Variants in GRIK2 observed in about 807,000 individuals in gnomAD.
GRIK2 encodes glutamate ionotropic receptor kainate type subunit 2, also known as glutamate receptor ionotropic, kainate 2.
Under a neutral mutation model 100.3 loss-of-function variants are expected in GRIK2, and 32 were observed. The ratio of observed to expected loss-of-function variants is 0.32; its 90% confidence interval spans 0.24 to 0.43. GRIK2 has a LOEUF of 0.43. Ranked by LOEUF, GRIK2 falls within the 20% of genes least tolerant of loss-of-function variation. The probability of loss-of-function intolerance (pLI) is 1.00; values close to 1 mark genes in which losing one functional copy is unlikely to be tolerated. For synonymous variants in GRIK2, 417 were observed against 389.4 expected (o/e 1.07, Z -0.83); for missense variants, 843 against 1,114.9 (o/e 0.76, Z 3.47).
chr6:101,412,955 A>C (rs998979463), intron 2 of GRIK2, among the ~76,000 whole-genome samples: 2 of 152,012 alleles, frequency 1.3e-5, no homozygotes, highest in Non-Finnish European at 2.9e-5. Flanking sequence ...CGATAGCCAC[A>C]AGTAAATGTT....
At chr6:101,763,698 C>G (rs530862982) in intron 7 of GRIK2, among the ~76,000 whole-genome samples, 3 of 152,240 alleles carry the variant, frequency 2.0e-5, no homozygotes, top group African/African-American at 7.2e-5. Context: ...CCTGTTAATT[C>G]ATCTAAACTT....
At chr6:101,406,124 G>C (rs1412619624) in intron 2 of GRIK2, among the ~76,000 whole-genome samples, 1 of 152,040 alleles carries the variant, frequency 6.6e-6, no homozygotes, top group Non-Finnish European at 1.5e-5. Context: ...TTATATTCTT[G>C]TATTTTCAAA....
intron 8 of GRIK2, among the ~76,000 whole-genome samples, chr6:101,801,457 A>G (rs1451447255): frequency 6.6e-6 from 1 of 152,036 alleles, no homozygotes; most frequent in Non-Finnish European, 1.5e-5. Context: ...CAAATATCAT[A>G]TGGAGCCTCA....
intron 2 of GRIK2, among the ~76,000 whole-genome samples, chr6:101,481,815 T>C (rs1336273402): frequency 6.6e-6 from 1 of 152,126 alleles, no homozygotes; most frequent in Non-Finnish European, 1.5e-5. Flanking sequence ...TCCCCACGTG[T>C]CAAGGGGAGG....
rs114919436 is a variant in GRIK2, at chr6:101,925,825, G to A, written c.1867+1106G>A. Among the ~76,000 whole-genome samples the A allele has an allele frequency of 5.2e-3, 792 of 151,956 alleles. 4 individuals are homozygous for A. The highest frequency in any genetic ancestry group is 0.016 in the African/African-American group (647 of 41,500). ...AAATGTTGTTTCTAAAAAAGGCATC[G>A]TGCTATTGCATGTTTAATTTTATGC... On this transcript the variant is annotated intron_variant, in intron 13 of 16. Transcript: ENST00000369134.
At chr6:101,460,936 A>G (rs1771274303) in intron 2 of GRIK2, among the ~76,000 whole-genome samples, 2 of 152,238 alleles carry the variant, frequency 1.3e-5, no homozygotes, top group African/African-American at 4.8e-5. Flanking sequence ...GATGAAAGTT[A>G]GAGGTAAAAT....
intron 12 of GRIK2, among the ~76,000 whole-genome samples, chr6:101,906,319 T>A (rs1244304052): frequency 6.6e-6 from 1 of 151,090 alleles, no homozygotes; most frequent in African/African-American, 2.4e-5. Flanking sequence ...TGAAAGAATT[T>A]CCTGCAGATT....
intron 14 of GRIK2, among the ~76,000 whole-genome samples, chr6:102,006,531 C>G (rs867498749): frequency 7.3e-5 from 11 of 151,486 alleles, no homozygotes; most frequent in Admixed American, 2.6e-4. Flanking sequence ...CCACTCCTGG[C>G]TAATTTTTGT....
chr6:102,050,540 G>C (rs1331021913), intron 15 of GRIK2, among the ~76,000 whole-genome samples: 1 of 151,736 alleles, frequency 6.6e-6, no homozygotes, highest in Admixed American at 6.6e-5. Flanking sequence ...CCAGCTGCTC[G>C]GGAGGCTGAG....
intron 2 of GRIK2, among the ~76,000 whole-genome samples, chr6:101,490,413 T>G (rs994687792): frequency 6.8e-6 from 1 of 146,762 alleles, no homozygotes; most frequent in South Asian, 2.1e-4. Flanking sequence ...CCCTGTGCTC[T>G]TAACCTCTTT....
intron 7 of GRIK2, among the ~76,000 whole-genome samples, chr6:101,762,743 T>G (rs1307162570): frequency 6.6e-6 from 1 of 152,200 alleles, no homozygotes; most frequent in Non-Finnish European, 1.5e-5. Context: ...TAATTCAAGA[T>G]GCTAATTACA....
At chr6:101,758,655 T>C (rs1777290094) in intron 7 of GRIK2, among the ~76,000 whole-genome samples, 1 of 152,202 alleles carries the variant, frequency 6.6e-6, no homozygotes, top group Admixed American at 6.5e-5. Flanking sequence ...AATTTAATCC[T>C]GAACTGAGAG....
At chr6:101,399,803 G>A (rs1276287244) in intron 2 of GRIK2, among the ~76,000 whole-genome samples, 2 of 152,192 alleles carry the variant, frequency 1.3e-5, no homozygotes, top group Non-Finnish European at 2.9e-5. Flanking sequence ...TTAACACCTG[G>A]TAACTCTTTG....
At chr6:102,022,405 G>C (rs1265475963) in intron 14 of GRIK2, among the ~76,000 whole-genome samples, 1 of 151,638 alleles carries the variant, frequency 6.6e-6, no homozygotes, top group Non-Finnish European at 1.5e-5. Flanking sequence ...TATACTTTGA[G>C]AGCCTGGTTT....
rs1554259504 is a variant in GRIK2 at position 101,760,626 on chromosome 6, T to TTAATTATGTA, written c.952-39015_952-39014insGTATAATTAT. Among the ~76,000 whole-genome samples the TTAATTATGTA allele has an allele frequency of 4.5e-3, 509 of 113,168 alleles. 60 individuals are homozygous for TTAATTATGTA. Among genetic ancestry groups the TTAATTATGTA allele is most frequent in the African/African-American group, 0.015 (445 of 29,116 alleles). 74.2% of individuals were successfully genotyped at this position (113,168 alleles called of 152,430 possible). ...TATATAATTATATTTAATTATATGT[T>TTAATTATGTA]TAATTATATATAATTATATATAATT... On this transcript the variant is annotated intron_variant, in intron 7 of 16. Transcript: ENST00000369134.
At chr6:101,738,257 G>T (rs548136903) in intron 7 of GRIK2, among the ~76,000 whole-genome samples, 1 of 140,590 alleles carries the variant, frequency 7.1e-6, no homozygotes, top group East Asian at 2.1e-4. Flanking sequence ...ATTGACAATT[G>T]TCAAATGTCA....
intron 7 of GRIK2, among the ~76,000 whole-genome samples, chr6:101,730,411 G>C (rs896557964): frequency 6.6e-6 from 1 of 151,890 alleles, no homozygotes; most frequent in Non-Finnish European, 1.5e-5. Flanking sequence ...AGGTTAATGG[G>C]TCTCTATGGG....
intron 2 of GRIK2, among the ~76,000 whole-genome samples, chr6:101,462,094 C>G (rs1043105736): frequency 6.6e-6 from 1 of 152,114 alleles, no homozygotes; most frequent in Non-Finnish European, 1.5e-5. Flanking sequence ...AATAGAGACA[C>G]TAATATACCT....
At chr6:101,592,644 A>G (rs1430400790) in intron 2 of GRIK2, among the ~76,000 whole-genome samples, 1 of 129,236 alleles carries the variant, frequency 7.7e-6, no homozygotes, top group Non-Finnish European at 1.6e-5. Context: ...ACAGACAAGC[A>G]CTACGTCTAT....
Sources: gnomAD v4.1 joint callset for allele counts (sites outside exome capture counted in the v4.1 genomes callset) on GRCh38, gnomAD v4.1.1 for gene constraint, MANE v1.5 for transcripts, NCBI Gene and HGNC (gene_info 2026-07-23, HGNC 2026-07-21) for gene names.